Variants in PBXIP1 observed in about 807,000 individuals in gnomAD.
PBXIP1 encodes PBX homeobox interacting protein 1.
A neutral mutation model predicts 73.7 loss-of-function variants in PBXIP1; 73 were observed. The observed-to-expected ratio is 0.99, with a 90% CI of 0.82 to 1.20. PBXIP1 has a LOEUF of 1.20. Ranked by LOEUF, PBXIP1 falls within the 50% of genes most tolerant of loss-of-function variation. The pLI is 0.00. For missense variants in PBXIP1, 818 were observed against 911.4 expected (o/e 0.90, Z 1.32); for synonymous variants, 330 against 366.9 (o/e 0.90, Z 1.15).
Position 154,945,963 on chromosome 1 carries a change from G to C in PBXIP1, c.1711C>G (p.Leu571Val). 1 of 1,614,046 alleles carries C rather than the reference G, an allele frequency of 6.2e-7. No individual in the cohort carries two copies. The highest frequency in any genetic ancestry group is 8.5e-7 in the Non-Finnish European group (1 of 1,179,908). The change falls in exon 10 of 11, where the codon CTG (leucine) becomes GTG (valine). Residue 571 changes from leucine (L) to valine (V), a missense_variant. Leu to Val is a conservative substitution (Grantham distance 32). Transcript: ENST00000368463. ...REGTKDSHDP[L>V]PSWAELLRPK... ...CTCAACAGCTCTGCCCAGGATGGCA[G>C]GGGGTCATGGCTGTCCTTAGTCCCT...
intron 8 of PBXIP1, 46 bp from the exon 9 acceptor site, chr1:154,947,594 G>A: frequency 1.2e-6 from 2 of 1,608,296 alleles, no homozygotes; most frequent in Non-Finnish European, 8.5e-7. Flanking sequence ...CACAGCCCAG[G>A]TTCTCCCCAG....
chr1:154,948,544 GC>G, intron 5 of PBXIP1, 178 bp from the exon 6 acceptor site: 1 of 579,726 alleles, frequency 1.7e-6, no homozygotes, highest in Admixed American at 3.3e-5. Context: ...GACTGTCCCT[GC>G]CCAGTCTGGA....
At chr1:154,954,565 C>T (rs867844369) in intron 1 of PBXIP1, among the ~76,000 whole-genome samples, 1 of 152,150 alleles carries the variant, frequency 6.6e-6, no homozygotes, top group South Asian at 2.1e-4. Flanking sequence ...TTGAAGGTGA[C>T]TGGGAAAATG....
chr1:154,951,950 T>C lies in PBXIP1; in HGVS notation c.52-29A>G, dbSNP rs1655018537. Reference sequence around the variant, plus strand: ...GGAGGAGAAGTGCAAGGAGAAGGGCTGCACCCAAGAATGGGGCCCCAGCCC... The same window carrying C: ...GGAGGAGAAGTGCAAGGAGAAGGGCCGCACCCAAGAATGGGGCCCCAGCCC... On this transcript the variant is annotated intron_variant, in intron 2 of 10. Coordinates refer to ENST00000368463, the MANE Select transcript of PBXIP1 (RefSeq NM_020524.4). This position sits in a 1 kb window ranked among gnomAD's most constrained non-coding sequence, Gnocchi z 4.3. The C allele has an allele frequency of 1.3e-6, 2 of 1,584,346 alleles. No homozygotes were observed. Among genetic ancestry groups the C allele is most frequent in the Non-Finnish European group, 1.7e-6 (2 of 1,170,812 alleles).
chr1:154,949,215 G>A (rs1181721091), intron 5 of PBXIP1, among the ~76,000 whole-genome samples: 6 of 151,142 alleles, frequency 4.0e-5, no homozygotes, highest in Admixed American at 1.3e-4. Context: ...GTCCAGGCTG[G>A]AGTGCAGTGG....
At position 154,951,721 on chromosome 1, in the gene PBXIP1, G is replaced by A; in HGVS notation, c.178+74C>T. The A allele has an allele frequency of 3.2e-6, 5 of 1,553,002 alleles. No individual in the cohort carries two copies. Among genetic ancestry groups the A allele is most frequent in the South Asian group, 2.3e-5 (2 of 86,866 alleles). ...AAAACGAACCAGCCTCCCTTTCTCT[G>A]AGGAAACTGAGAAACCCCAAAATAT... On this transcript the variant is annotated intron_variant, in intron 3 of 10. Coordinates refer to ENST00000368463, the MANE Select transcript of PBXIP1 (RefSeq NM_020524.4). The surrounding 1 kb of genome is among the most constrained non-coding windows in gnomAD (Gnocchi z 4.3).
At chr1:154,953,423 G>A (rs368862884) in intron 2 of PBXIP1, among the ~76,000 whole-genome samples, 3 of 152,000 alleles carry the variant, frequency 2.0e-5, no homozygotes, top group Non-Finnish European at 2.9e-5. Context: ...CTCTCCATTC[G>A]AAATCCATCC....
chr1:154,946,959 C>T (rs549562226), intron 9 of PBXIP1, 156 bp from the exon 10 acceptor site: 33 of 635,196 alleles, frequency 5.2e-5, no homozygotes, highest in Middle Eastern at 8.8e-4. Flanking sequence ...CATCCTCCAC[C>T]CCATCTCCAT....
intron 2 of PBXIP1, among the ~76,000 whole-genome samples, chr1:154,953,363 C>A (rs2101989486): frequency 6.6e-6 from 1 of 152,126 alleles, no homozygotes; most frequent in East Asian, 1.9e-4. Context: ...CACAGTCTCC[C>A]CCAGCATGGC....
rs1244556880 is a variant in PBXIP1, at chr1:154,951,776, C to T, written c.178+19G>A. ...AATAGCTTTGTCCGGTAAGCTATGT[C>T]CTAAGCAGGGCCCAGTACCTTCTCC... On this transcript the variant is annotated intron_variant, in intron 3 of 10. Coordinates refer to ENST00000368463, the MANE Select transcript of PBXIP1 (RefSeq NM_020524.4). The surrounding 1 kb of genome is among the most constrained non-coding windows in gnomAD (Gnocchi z 4.3). 1 of 1,612,794 alleles carries T rather than the reference C, an allele frequency of 6.2e-7. No individual in the cohort carries two copies. Among genetic ancestry groups the T allele is most frequent in the African/African-American group, 1.3e-5 (1 of 74,890 alleles).
intron 6 of PBXIP1, 61 bp downstream of exon 6, chr1:154,948,072 C>T (rs1558038795): frequency 6.3e-7 from 1 of 1,583,560 alleles, no homozygotes; most frequent in Non-Finnish European, 8.6e-7. Context: ...AAGGTGAGAA[C>T]ATGGCAGGAA....
intron 1 of PBXIP1, among the ~76,000 whole-genome samples, chr1:154,955,697 C>A (rs141844957): frequency 1.0e-3 from 154 of 152,300 alleles, no homozygotes; most frequent in Non-Finnish European, 1.6e-3. Flanking sequence ...CTCCCTCCAC[C>A]CCCTTCTTTT....
intron 10 of PBXIP1, 149 bp downstream of exon 10, chr1:154,945,423 A>G: frequency 1.2e-6 from 1 of 864,728 alleles, no homozygotes. Context: ...CCTACCCTCA[A>G]GGGAAGAAAG....
At chr1:154,953,828 C>A in intron 1 of PBXIP1, 71 bp from the exon 2 acceptor site, 1 of 1,022,276 alleles carries the variant, frequency 9.8e-7, no homozygotes, top group South Asian at 1.4e-5. Flanking sequence ...GCAGCCTTGG[C>A]TGGGTTCCAA....
In PBXIP1 at chr1:154,945,890, GCA is replaced by G; in HGVS notation, c.1782_1783del (p.Ala595ProfsTer50). 1 of 1,614,132 alleles carries G rather than the reference GCA, an allele frequency of 6.2e-7. No individual in the cohort carries two copies. The highest frequency in any genetic ancestry group is 8.5e-7 in the Non-Finnish European group (1 of 1,179,964). On this transcript the variant is annotated frameshift_variant, in exon 10 of 11. Transcript: ENST00000368463. LOFTEE classifies it high-confidence loss of function. ...AAAGAAAGTCAGGCCCTCCTGCCGGGCACACTCGTCCACACCTGAGCAGCCCT... is the reference window on the plus strand; with the variant it reads ...AAAGAAAGTCAGGCCCTCCTGCCGGGCACTCGTCCACACCTGAGCAGCCCT...
Position 154,948,209 on chromosome 1 carries a change from C to T in PBXIP1, c.567G>A (p.Gly189=). ...ACATGTTGAGGGAGATGCCCAGCTCCCCGCCTGCACCCTCACCCCCAGCCT... is the reference window on the plus strand; with the variant it reads ...ACATGTTGAGGGAGATGCCCAGCTCTCCGCCTGCACCCTCACCCCCAGCCT... ...ENQAGGEGAG[G]ELGISLNMCL... Residue 189 remains glycine, a synonymous_variant, in exon 6 of 11, where the codon GGG becomes GGA. Coordinates refer to ENST00000368463, the MANE Select transcript of PBXIP1 (RefSeq NM_020524.4). The T allele has an allele frequency of 6.2e-7, 1 of 1,611,264 alleles. No homozygotes were observed. The highest frequency in any genetic ancestry group is 8.5e-7 in the Non-Finnish European group (1 of 1,178,496).
chr1:154,952,508 C>A (rs544186397), intron 2 of PBXIP1, among the ~76,000 whole-genome samples: 130 of 152,284 alleles, frequency 8.5e-4, no homozygotes, highest in African/African-American at 3.0e-3. Context: ...CCAGCCCTGG[C>A]CACACAGCCT....
chr1:154,947,933 A>G (rs369489291), intron 7 of PBXIP1, 49 bp downstream of exon 7: 1 of 1,596,454 alleles, frequency 6.3e-7, no homozygotes, highest in Non-Finnish European at 8.6e-7. Flanking sequence ...CCACAGAACC[A>G]GAGAACACAT....
At position 154,945,671 on chromosome 1, in the gene PBXIP1, T is replaced by G; in HGVS notation, c.2003A>C (p.Glu668Ala). 1 of 1,614,152 alleles carries G rather than the reference T, an allele frequency of 6.2e-7. No homozygotes were observed. The highest frequency in any genetic ancestry group is 8.5e-7 in the Non-Finnish European group (1 of 1,179,998). ...DFVDALEDSL[E>A]EVAVQQTGDD... ...ACCTGTCTGTTGCACAGCCACCTCCTCCAAGCTGTCCTCCAGGGCATCCAC... is the reference window on the plus strand; with the variant it reads ...ACCTGTCTGTTGCACAGCCACCTCCGCCAAGCTGTCCTCCAGGGCATCCAC... The change falls in exon 10 of 11, where the codon GAG becomes GCG. Residue 668 changes from glutamate (E) to alanine (A), a missense_variant. Coordinates refer to ENST00000368463, the MANE Select transcript of PBXIP1 (RefSeq NM_020524.4).
Sources: gnomAD v4.1 joint callset for allele counts (sites outside exome capture counted in the v4.1 genomes callset) on GRCh38, gnomAD v4.1.1 for gene constraint, Gnocchi (gnomAD v3.1) non-coding constraint, MANE v1.5 for transcripts, NCBI Gene and HGNC (gene_info 2026-07-23, HGNC 2026-07-21) for gene names.